PPFIBP2: variants seen among roughly 807,000 people sequenced by gnomAD.
PPFIBP2 encodes the protein liprin-beta-2.
In PPFIBP2, 118 loss-of-function variants were observed where a neutral mutation model predicts 118.3. That is an observed-to-expected ratio of 1.00 (90% CI 0.86 to 1.16). The LOEUF (loss-of-function observed/expected upper bound fraction) is 1.16. Ranked by LOEUF, PPFIBP2 falls within the 50% of genes most tolerant of loss-of-function variation. The probability of loss-of-function intolerance (pLI) is 0.00; values close to 1 mark genes in which losing one functional copy is unlikely to be tolerated. For missense variants in PPFIBP2, 1,195 were observed against 1,073.1 expected (o/e 1.11, Z -1.59); for synonymous variants, 414 against 397.4 (o/e 1.04, Z -0.50).
At chr11:7,629,369 T>C (rs112321749) in intron 9 of PPFIBP2, 90 bp from the exon 10 acceptor site, 2 of 1,273,464 alleles carry the variant, frequency 1.6e-6, no homozygotes. Flanking sequence ...TTTCTTCTCC[T>C]TGTGCCAAGA....
At chr11:7,542,031 C>G (rs775216081) in intron 1 of PPFIBP2, among the ~76,000 whole-genome samples, 6 of 152,198 alleles carry the variant, frequency 3.9e-5, no homozygotes, top group Admixed American at 3.9e-4. Flanking sequence ...TTCACTGCTG[C>G]GTCCCCTGCA....
intron 3 of PPFIBP2, among the ~76,000 whole-genome samples, chr11:7,566,148 A>C (rs991505682): frequency 6.6e-6 from 1 of 152,100 alleles, no homozygotes; most frequent in Non-Finnish European, 1.5e-5. Flanking sequence ...GTTTCTTACC[A>C]CAAACAAAAG....
downstream of PPFIBP2, among the ~76,000 whole-genome samples, chr11:7,657,478 C>T (rs550922280): frequency 6.6e-6 from 1 of 152,322 alleles, no homozygotes; most frequent in South Asian, 2.1e-4. Flanking sequence ...CAAGCTGACA[C>T]ACAGCCTCCT....
At chr11:7,602,150 A>G (rs1021671487) in intron 5 of PPFIBP2, among the ~76,000 whole-genome samples, 1 of 151,618 alleles carries the variant, frequency 6.6e-6, no homozygotes, top group Non-Finnish European at 1.5e-5. Context: ...AGGGAGGGAC[A>G]GTCTGAGTCA....
intron 3 of PPFIBP2, among the ~76,000 whole-genome samples, chr11:7,592,843 A>G (rs1489981889): frequency 1.3e-5 from 2 of 152,212 alleles, no homozygotes; most frequent in African/African-American, 4.8e-5. Context: ...CAGCATGTCA[A>G]GTCAAGCACT....
chr11:7,546,373 C>A, intron 1 of PPFIBP2, among the ~76,000 whole-genome samples: 1 of 152,220 alleles, frequency 6.6e-6, no homozygotes, highest in East Asian at 1.9e-4. Flanking sequence ...CACCTTGAAT[C>A]ATGTTTCACT....
At chr11:7,553,344 TAGTG>T (rs1853215401) in intron 2 of PPFIBP2, among the ~76,000 whole-genome samples, 1 of 152,210 alleles carries the variant, frequency 6.6e-6, no homozygotes, top group South Asian at 2.1e-4. Context: ...CTGAGGTTAC[TAGTG>T]AGTATCTGGA....
chr11:7,643,982 A>G (rs1852602640), intron 17 of PPFIBP2, among the ~76,000 whole-genome samples: 1 of 152,202 alleles, frequency 6.6e-6, no homozygotes. Flanking sequence ...CATCCTTGTC[A>G]GCATTGAGTA....
chr11:7,560,072 G>C (rs1854123949), intron 2 of PPFIBP2, among the ~76,000 whole-genome samples: 1 of 152,208 alleles, frequency 6.6e-6, no homozygotes, highest in Admixed American at 6.5e-5. Context: ...GGCCTGCTCT[G>C]AGATTTTCTG....
chr11:7,563,631 A>G (rs1297665115), intron 2 of PPFIBP2, among the ~76,000 whole-genome samples: 1 of 152,172 alleles, frequency 6.6e-6, no homozygotes. Context: ...CGGTGGCCCC[A>G]AGCTCACATT....
At chr11:7,629,165 G>A (rs1850422097) in intron 9 of PPFIBP2, among the ~76,000 whole-genome samples, 1 of 152,186 alleles carries the variant, frequency 6.6e-6, no homozygotes, top group Non-Finnish European at 1.5e-5. Context: ...GATTTCAATG[G>A]CCACTTCAGG....
intron 1 of PPFIBP2, among the ~76,000 whole-genome samples, chr11:7,533,960 G>A (rs1661054598): frequency 6.6e-6 from 1 of 152,230 alleles, no homozygotes; most frequent in Non-Finnish European, 1.5e-5. Context: ...TGCCTGCACA[G>A]GGAAAGAAAG....
At chr11:7,540,323 G>C (rs1851648632) in intron 1 of PPFIBP2, among the ~76,000 whole-genome samples, 1 of 152,146 alleles carries the variant, frequency 6.6e-6, no homozygotes, top group Non-Finnish European at 1.5e-5. Context: ...GGAGATGACG[G>C]CAGGGCAGGT....
chr11:7,659,430 G>A (rs11489840), downstream of PPFIBP2, among the ~76,000 whole-genome samples: 1 of 143,402 alleles, frequency 7.0e-6, no homozygotes, highest in Admixed American at 6.9e-5. Flanking sequence ...GTTTTTCTCA[G>A]GTTTGTCAAA....
intron 15 of PPFIBP2, chr11:7,641,008 T>A (rs1268101444): frequency 3.2e-6 from 4 of 1,268,644 alleles, no homozygotes; most frequent in Non-Finnish European, 4.1e-6. Context: ...TTCATGTGGC[T>A]TCTCTGCTTC....
chr11:7,518,127 C>T (rs1286782909), intron 1 of PPFIBP2, among the ~76,000 whole-genome samples: 1 of 152,238 alleles, frequency 6.6e-6, no homozygotes. Flanking sequence ...CTGTTTTTGC[C>T]TTTTACTTTC....
intron 17 of PPFIBP2, among the ~76,000 whole-genome samples, chr11:7,645,342 C>T (rs915086230): frequency 1.3e-5 from 2 of 152,046 alleles, no homozygotes; most frequent in African/African-American, 2.4e-5. Flanking sequence ...CCCATTGTGC[C>T]GATTCGCTCA....
At chr11:7,571,182 C>T (rs764106377) in intron 3 of PPFIBP2, among the ~76,000 whole-genome samples, 3 of 152,174 alleles carry the variant, frequency 2.0e-5, no homozygotes, top group Non-Finnish European at 2.9e-5. Flanking sequence ...GCAGTCAGTT[C>T]AGGTGCCCTC....
intron 3 of PPFIBP2, among the ~76,000 whole-genome samples, chr11:7,592,788 T>C (rs1473254916): frequency 1.3e-5 from 2 of 152,150 alleles, no homozygotes; most frequent in Non-Finnish European, 2.9e-5. Context: ...CAGACCCTCA[T>C]TGTCGCCATG....
Sources: gnomAD v4.1 joint callset for allele counts (sites outside exome capture counted in the v4.1 genomes callset) on GRCh38, gnomAD v4.1.1 for gene constraint, MANE v1.5 for transcripts, NCBI Gene and HGNC (gene_info 2026-07-23, HGNC 2026-07-21) for gene names.